NSD3: variants seen among roughly 807,000 people sequenced by gnomAD.
NSD3 encodes histone-lysine N-methyltransferase NSD3.
A neutral mutation model predicts 160.8 loss-of-function variants in NSD3; 24 were observed. That is an observed-to-expected ratio of 0.15 (90% CI 0.11 to 0.21). NSD3 has a LOEUF of 0.21. NSD3 is among the 10% of genes least tolerant of loss of function. NSD3 has a pLI of 1.00. For missense variants in NSD3, 1,157 were observed against 1,735.9 expected (o/e 0.67, Z 5.93); for synonymous variants, 520 against 600.0 (o/e 0.87, Z 1.95).
intron 1 of NSD3, among the ~76,000 whole-genome samples, chr8:38,374,470 T>C (rs1381295834): frequency 6.6e-6 from 1 of 151,852 alleles, no homozygotes; most frequent in East Asian, 1.9e-4. Context: ...TAAGTAATCA[T>C]ACAGAGCCCG....
Position 38,317,140 on chromosome 8 carries a change from G to T in NSD3, c.1856-1098C>A. 1 of 1,062,896 alleles carries T rather than the reference G, an allele frequency of 9.4e-7. No individual in the cohort carries two copies. The highest frequency in any genetic ancestry group is 1.1e-6 in the Non-Finnish European group (1 of 877,650). 65.8% of individuals were successfully genotyped at this position (1,062,896 alleles called of 1,614,324 possible). A position where few individuals can be genotyped will look rare whatever the true frequency, so the allele number is the denominator to read the frequency against. ...CATGAAGATCCGCAACAGGCTGAGT[G>T]AGAGTAGCACTTGGAACATAGCCAC... On this transcript the variant is annotated intron_variant, in intron 9 of 23. Transcript: ENST00000317025. This position sits in a 1 kb window ranked among gnomAD's most constrained non-coding sequence, Gnocchi z 5.3.
In NSD3 at chr8:38,284,432, A is replaced by C. The variant is rs188076987; in HGVS notation, c.3502-2849T>G. Among the ~76,000 whole-genome samples the C allele has an allele frequency of 6.6e-5, 10 of 152,344 alleles. No homozygotes were observed. In the East Asian group the frequency reaches 1.7e-3, roughly 26 times the overall value. ...AGACGGAGTTTCACTCTTGTTGCCC[A>C]GGCTGGAGTGCAATGGCGTGATCTT... On this transcript the variant is annotated intron_variant, in intron 19 of 23. Coordinates refer to ENST00000317025, the MANE Select transcript of NSD3 (RefSeq NM_023034.2).
At chr8:38,337,618 C>G (rs892973372) in intron 3 of NSD3, 151 bp from the exon 4 acceptor site, 1 of 612,726 alleles carries the variant, frequency 1.6e-6, no homozygotes, top group East Asian at 3.4e-5. Flanking sequence ...AAAAAAGAAA[C>G]TAGGTATAAA....
intron 20 of NSD3, chr8:38,280,286 C>T (rs1008379667): frequency 8.5e-5 from 13 of 152,068 alleles, no homozygotes; most frequent in African/African-American, 3.1e-4. Flanking sequence ...GGATAAGCTC[C>T]ACAGAACTGA....
At chr8:38,372,598 G>A (rs909262495) in intron 1 of NSD3, among the ~76,000 whole-genome samples, 3 of 150,518 alleles carry the variant, frequency 2.0e-5, no homozygotes, top group Non-Finnish European at 4.4e-5. Flanking sequence ...CCGGGTTCAA[G>A]CGATTCTCCT....
intron 1 of NSD3, among the ~76,000 whole-genome samples, chr8:38,367,832 G>A (rs999496633): frequency 6.6e-6 from 1 of 152,148 alleles, no homozygotes; most frequent in East Asian, 1.9e-4. Flanking sequence ...TACAGTTAGT[G>A]ACATAGATAG....
intron 1 of NSD3, among the ~76,000 whole-genome samples, chr8:38,377,176 C>A (rs1811413431): frequency 6.6e-6 from 1 of 152,100 alleles, no homozygotes; most frequent in Admixed American, 6.5e-5. Flanking sequence ...TCTCAGCCTC[C>A]GGAGTAGCCG....
chr8:38,305,481 T>G lies in NSD3; in HGVS notation c.2243-36A>C. The G allele has an allele frequency of 3.1e-6, 5 of 1,606,818 alleles. 1 individual carries two copies. In the Middle Eastern group the frequency reaches 8.3e-4, roughly 268 times the overall value. ...GGTGAGGAATACAAATTAAATAAAATTGACTAAAGCATATTCAAGTAGAAG... is the reference window on the plus strand; with the variant it reads ...GGTGAGGAATACAAATTAAATAAAAGTGACTAAAGCATATTCAAGTAGAAG... On this transcript the variant is annotated intron_variant, in intron 12 of 23. Coordinates refer to ENST00000317025, the MANE Select transcript of NSD3 (RefSeq NM_023034.2).
In NSD3 at chr8:38,281,533, G is replaced by A. The variant is rs1225274738; in HGVS notation, c.3552C>T (p.Cys1184=). The A allele has an allele frequency of 1.2e-6, 2 of 1,606,284 alleles. No individual in the cohort carries two copies. The highest frequency in any genetic ancestry group is 1.1e-5 in the South Asian group (1 of 89,706). Residue 1184 remains cysteine, a synonymous_variant, in exon 20 of 24, where the codon TGC becomes TGT. Coordinates refer to ENST00000317025, the MANE Select transcript of NSD3 (RefSeq NM_023034.2). ...YVGELIDEEE[C]RLRIKRAHEN... is the part of the protein sequence containing the mutation. ...CGTGGGCTCGCTTGATTCGCAATCTGCATTCTTCTTCATCAATTAATTCAC... is the reference window on the plus strand; with the variant it reads ...CGTGGGCTCGCTTGATTCGCAATCTACATTCTTCTTCATCAATTAATTCAC...
At chr8:38,333,566 T>C (rs1810122330) in intron 4 of NSD3, among the ~76,000 whole-genome samples, 1 of 152,238 alleles carries the variant, frequency 6.6e-6, no homozygotes. Flanking sequence ...GCTAAGAATC[T>C]AATAAAAATA....
At chr8:38,377,241 C>T (rs1371143289) in intron 1 of NSD3, among the ~76,000 whole-genome samples, 2 of 151,928 alleles carry the variant, frequency 1.3e-5, no homozygotes, top group African/African-American at 4.8e-5. Context: ...TTAGTAGAGA[C>T]GGGAGTTTCA....
At chr8:38,356,995 G>C (rs117178553) in intron 1 of NSD3, among the ~76,000 whole-genome samples, 1 of 150,856 alleles carries the variant, frequency 6.6e-6, no homozygotes, top group Non-Finnish European at 1.5e-5. Context: ...GGTACACGCC[G>C]GTAATCCCAG....
At chr8:38,279,838 G>T in intron 20 of NSD3, 157 bp from the exon 21 acceptor site, 2 of 719,068 alleles carry the variant, frequency 2.8e-6, no homozygotes, top group Non-Finnish European at 4.4e-6. Context: ...AATTTACTAA[G>T]TTCTCTCCTT....
chr8:38,297,889 T>C (rs1010381567), intron 15 of NSD3, among the ~76,000 whole-genome samples: 1 of 152,154 alleles, frequency 6.6e-6, no homozygotes, highest in Admixed American at 6.5e-5. Flanking sequence ...AGAGGACATG[T>C]GATTATTAGT....
At chr8:38,366,752 T>C (rs112825594) in intron 1 of NSD3, among the ~76,000 whole-genome samples, 2,092 of 152,318 alleles carry the variant, frequency 0.014, 29 homozygotes, top group Middle Eastern at 0.041. Flanking sequence ...GAATAGCTAA[T>C]TCTGGGCTAA....
intron 20 of NSD3, chr8:38,279,945 T>C (rs376455389): frequency 5.7e-6 from 2 of 347,836 alleles, no homozygotes. Flanking sequence ...GGAATAATGC[T>C]ATTTAGAAGA....
rs368978009 is a variant in NSD3, at chr8:38,321,204, C to A, written c.1709-32G>T. On this transcript the variant is annotated intron_variant, in intron 7 of 23. Transcript: ENST00000317025. This position sits in a 1 kb window ranked among gnomAD's most constrained non-coding sequence, Gnocchi z 4.7. ...AATGATTTAAACACACAAACAAAAA[C>A]TCACTTAAGGATACCTTGACATCTA... 1 of 1,580,438 alleles carries A rather than the reference C, an allele frequency of 6.3e-7. No homozygotes were observed. The highest frequency in any genetic ancestry group is 1.7e-5 in the Admixed American group (1 of 58,618).
chr8:38,341,103 C>G (rs941358265), intron 2 of NSD3, among the ~76,000 whole-genome samples: 2 of 152,094 alleles, frequency 1.3e-5, no homozygotes, highest in African/African-American at 4.8e-5. Flanking sequence ...TGCACTCCAG[C>G]CTGGGTGATG....
intron 18 of NSD3, 86 bp downstream of exon 18, chr8:38,289,307 T>C: frequency 3.2e-6 from 4 of 1,249,644 alleles, no homozygotes; most frequent in Non-Finnish European, 4.6e-6. Flanking sequence ...TTTCGTCTCA[T>C]CTATTAAATA....
Sources: gnomAD v4.1 joint callset for allele counts (sites outside exome capture counted in the v4.1 genomes callset) on GRCh38, gnomAD v4.1.1 for gene constraint, Gnocchi (gnomAD v3.1) non-coding constraint, MANE v1.5 for transcripts, NCBI Gene and HGNC (gene_info 2026-07-23, HGNC 2026-07-21) for gene names.